TOX: variants seen among roughly 807,000 people sequenced by gnomAD.
TOX encodes the protein thymocyte selection associated high mobility group box.
In TOX, 11 loss-of-function variants were observed where a neutral mutation model predicts 53.7. The ratio of observed to expected loss-of-function variants is 0.20; its 90% CI spans 0.13 to 0.34. TOX has a LOEUF of 0.34. Ranked by LOEUF, TOX falls within the 10% of genes least tolerant of loss-of-function variation. TOX has a pLI of 1.00. For synonymous variants in TOX, 225 were observed against 245.3 expected (o/e 0.92, Z 0.77); for missense variants, 570 against 664.6 (o/e 0.86, Z 1.56).
intron 6 of TOX, among the ~76,000 whole-genome samples, chr8:58,824,020 AC>A (rs777522618): frequency 2.0e-5 from 3 of 152,210 alleles, no homozygotes; most frequent in Non-Finnish European, 2.9e-5. Context: ...CTTTTCATGA[AC>A]AAAAATGACC....
At chr8:58,835,142 T>G (rs1193170114) in intron 5 of TOX, among the ~76,000 whole-genome samples, 1 of 152,220 alleles carries the variant, frequency 6.6e-6, no homozygotes. Context: ...AAGTCAACTA[T>G]TATATAATTT....
chr8:58,975,839 C>T (rs1304519687), intron 1 of TOX, among the ~76,000 whole-genome samples: 2 of 151,972 alleles, frequency 1.3e-5, no homozygotes, highest in East Asian at 1.9e-4. Flanking sequence ...TCTGGGTGGC[C>T]GAGGCGGGTG....
At chr8:59,011,649 G>A (rs1231163531) in intron 1 of TOX, among the ~76,000 whole-genome samples, 1 of 151,958 alleles carries the variant, frequency 6.6e-6, no homozygotes, top group African/African-American at 2.4e-5. Context: ...TTTGATCAAG[G>A]TATTTAACCT....
At chr8:58,921,542 G>A (rs1046450008) in intron 3 of TOX, among the ~76,000 whole-genome samples, 1 of 152,072 alleles carries the variant, frequency 6.6e-6, no homozygotes, top group Non-Finnish European at 1.5e-5. Flanking sequence ...TACACTTTCA[G>A]TATTTCTAAT....
At chr8:58,907,650 T>C (rs527379913) in intron 3 of TOX, among the ~76,000 whole-genome samples, 4 of 152,234 alleles carry the variant, frequency 2.6e-5, no homozygotes, top group African/African-American at 9.6e-5. Flanking sequence ...TTTTCAAGCA[T>C]GAAGGCACAT....
chr8:58,867,403 G>C (rs1811121240), intron 3 of TOX, among the ~76,000 whole-genome samples: 1 of 152,178 alleles, frequency 6.6e-6, no homozygotes, highest in Non-Finnish European at 1.5e-5. Flanking sequence ...TCCCCATTCT[G>C]GGGGTGGGGG....
chr8:58,825,873 CA>C (rs1019570996), intron 6 of TOX, among the ~76,000 whole-genome samples: 3 of 151,994 alleles, frequency 2.0e-5, no homozygotes, highest in African/African-American at 7.3e-5. Flanking sequence ...TGAGATAATA[CA>C]AAAAAGCTAG....
At chr8:58,955,889 C>T (rs1368046978) in intron 2 of TOX, among the ~76,000 whole-genome samples, 1 of 151,986 alleles carries the variant, frequency 6.6e-6, no homozygotes, top group Non-Finnish European at 1.5e-5. Flanking sequence ...TGCACTCCAC[C>T]ATGCCCAGCT....
intron 2 of TOX, among the ~76,000 whole-genome samples, chr8:58,950,616 A>T (rs1812605881): frequency 1.3e-5 from 2 of 152,144 alleles, no homozygotes; most frequent in Admixed American, 1.3e-4. Context: ...AAATGAAGAC[A>T]ATTTCCCCCA....
At chr8:58,940,564 C>T (rs536168974) in intron 2 of TOX, among the ~76,000 whole-genome samples, 5 of 152,216 alleles carry the variant, frequency 3.3e-5, no homozygotes, top group African/African-American at 4.8e-5. Context: ...TGAAAGGAAA[C>T]GTTTCGGTCC....
intron 1 of TOX, among the ~76,000 whole-genome samples, chr8:59,110,332 G>A (rs1284541425): frequency 1.3e-5 from 2 of 152,042 alleles, no homozygotes; most frequent in Non-Finnish European, 2.9e-5. Flanking sequence ...TAATACAATT[G>A]TTACTGGCAT....
At chr8:59,079,121 G>A (rs1804350273) in intron 1 of TOX, among the ~76,000 whole-genome samples, 1 of 152,196 alleles carries the variant, frequency 6.6e-6, no homozygotes, top group African/African-American at 2.4e-5. Flanking sequence ...TCAGATGTGG[G>A]TGCAAAGGAA....
chr8:58,863,201 T>C lies in TOX; in HGVS notation c.412-11396A>G, dbSNP rs566690716. Reference sequence around the variant, plus strand: ...GGAAATATATCTTTCACATTTTCAATCTCTATTTCTCCAAGTGACTATACT... The same window carrying C: ...GGAAATATATCTTTCACATTTTCAACCTCTATTTCTCCAAGTGACTATACT... On this transcript the variant is annotated intron_variant, in intron 3 of 8. Transcript: ENST00000361421. 1.4e-3 allele frequency among the ~76,000 whole-genome samples: 217 copies of C among 152,266 alleles called. 2 individuals are homozygous for C. Among genetic ancestry groups the C allele is most frequent in the African/African-American group, 5.0e-3 (208 of 41,548 alleles).
chr8:58,998,951 C>A (rs2129417996), intron 1 of TOX, among the ~76,000 whole-genome samples: 1 of 152,216 alleles, frequency 6.6e-6, no homozygotes, highest in Non-Finnish European at 1.5e-5. Context: ...TAATTCAGTT[C>A]AATCTGTTAC....
At chr8:58,971,711 G>T (rs1271939697) in intron 1 of TOX, among the ~76,000 whole-genome samples, 13 of 151,844 alleles carry the variant, frequency 8.6e-5, no homozygotes, top group African/African-American at 2.7e-4. Context: ...TTTTTGAGAT[G>T]GAGTCTCTCC....
intron 1 of TOX, among the ~76,000 whole-genome samples, chr8:58,987,974 T>A (rs1813364949): frequency 6.6e-6 from 1 of 152,208 alleles, no homozygotes; most frequent in African/African-American, 2.4e-5. Flanking sequence ...TAGTTGAAAG[T>A]AATACAGGAA....
At chr8:59,023,127 C>G (rs191034846) in intron 1 of TOX, among the ~76,000 whole-genome samples, 2 of 152,278 alleles carry the variant, frequency 1.3e-5, no homozygotes, top group East Asian at 1.9e-4. Context: ...CTTTGAGGAC[C>G]AATCTCGCTG....
At chr8:58,863,274 T>A (rs1811040670) in intron 3 of TOX, among the ~76,000 whole-genome samples, 1 of 152,170 alleles carries the variant, frequency 6.6e-6, no homozygotes, top group South Asian at 2.1e-4. Flanking sequence ...CAGGTAACTG[T>A]CCTCATATCA....
intron 1 of TOX, among the ~76,000 whole-genome samples, chr8:59,102,221 C>T (rs1251323457): frequency 2.0e-5 from 3 of 150,486 alleles, no homozygotes; most frequent in East Asian, 1.9e-4. Context: ...GAAAAACTCC[C>T]GTTTTGTGTT....
Sources: gnomAD v4.1 joint callset for allele counts (sites outside exome capture counted in the v4.1 genomes callset) on GRCh38, gnomAD v4.1.1 for gene constraint, MANE v1.5 for transcripts, NCBI Gene and HGNC (gene_info 2026-07-23, HGNC 2026-07-21) for gene names.